Variants in DYNLL1 observed in about 807,000 individuals in gnomAD.
The protein encoded by DYNLL1 is dynein light chain 1, cytoplasmic.
In DYNLL1, 3 loss-of-function variants were observed where a neutral mutation model predicts 10.1. The observed-to-expected ratio is 0.30, with a 90% CI of 0.14 to 0.77. The LOEUF (loss-of-function observed/expected upper bound fraction) is 0.77, where lower values mean the gene tolerates loss of function less well. DYNLL1 is among the 30% of genes least tolerant of loss of function. The pLI is 0.66. For synonymous variants in DYNLL1, 46 were observed against 41.2 expected, an observed-to-expected ratio of 1.12 and a Z score of -0.45; for missense variants, 47 against 111.7, an observed-to-expected ratio of 0.42 and a Z score of 2.61.
At chr12:120,496,767 C>A (rs1164118104) in intron 2 of DYNLL1, 2 of 671,268 alleles carry the variant, frequency 3.0e-6, no homozygotes, top group Admixed American at 6.0e-5. Flanking sequence ...TTTTAATTAC[C>A]CAGCTCCGCG....
chr12:120,492,895 T>C, upstream of DYNLL1, among the ~76,000 whole-genome samples: 1 of 145,462 alleles, frequency 6.9e-6, no homozygotes, highest in East Asian at 2.0e-4. This position sits in a 1 kb window ranked among gnomAD's most constrained non-coding sequence, Gnocchi z 4.1. Context: ...TGTAGAAGAG[T>C]TTTTTTTTTT....
intron 1 of DYNLL1, among the ~76,000 whole-genome samples, chr12:120,485,376 C>G (rs1235594356): frequency 1.3e-5 from 2 of 151,746 alleles, no homozygotes; most frequent in Non-Finnish European, 2.9e-5. Flanking sequence ...CTGCCTCACC[C>G]TCCCAAGTAG....
chr12:120,482,974 G>C (rs926758550), intron 1 of DYNLL1, among the ~76,000 whole-genome samples: 1 of 151,976 alleles, frequency 6.6e-6, no homozygotes, highest in Non-Finnish European at 1.5e-5. Flanking sequence ...CCAGCTACTC[G>C]AGAGGCTGAC....
Position 120,496,900 on chromosome 12 carries a change from C to T in DYNLL1, c.132+347C>T, listed in dbSNP as rs1024377116. The T allele has an allele frequency of 1.4e-5, 6 of 424,982 alleles. No individual in the cohort carries two copies. In the East Asian group the frequency reaches 2.0e-4, roughly 14 times the overall value. 26.3% of individuals were successfully genotyped at this position (424,982 alleles called of 1,614,324 possible). A position where few individuals can be genotyped will look rare whatever the true frequency, so the allele number is the denominator to read the frequency against. On this transcript the variant is annotated intron_variant, in intron 2 of 2. Transcript: ENST00000242577. The stretch of plus-strand genomic sequence containing the variant: ...GAGGGGGGAGCTGCGTGGGTGTTTC[C>T]AGCCGGGCCGGGAGGAGATCTTGCC...
chr12:120,497,434 A>T (rs1868487035), intron 2 of DYNLL1: 1 of 152,598 alleles, frequency 6.6e-6, no homozygotes, highest in Non-Finnish European at 1.5e-5. Flanking sequence ...GATAGATGTG[A>T]AGAGGACGGC....
At chr12:120,476,710 CA>C (rs1422211688) in intron 1 of DYNLL1, among the ~76,000 whole-genome samples, 1 of 152,006 alleles carries the variant, frequency 6.6e-6, no homozygotes, top group Non-Finnish European at 1.5e-5. Context: ...CTCCCAGGTT[CA>C]AGCGATTTTC....
upstream of DYNLL1, among the ~76,000 whole-genome samples, chr12:120,493,466 G>A (rs1211540014): frequency 4.0e-5 from 6 of 151,664 alleles, no homozygotes; most frequent in South Asian, 2.1e-4. Context: ...AACCCAGATC[G>A]CGCCACTGCA....
At chr12:120,492,005 C>A (rs1286536346), upstream of DYNLL1, 1 of 152,172 alleles carries the variant, frequency 6.6e-6, no homozygotes, top group Non-Finnish European at 1.5e-5. This position sits in a 1 kb window ranked among gnomAD's most constrained non-coding sequence, Gnocchi z 4.1. Context: ...TTCCATCTAC[C>A]ATGTGGGACT....
At chr12:120,496,692 A>T in intron 2 of DYNLL1, 139 bp downstream of exon 2, 1 of 1,431,716 alleles carries the variant, frequency 7.0e-7, no homozygotes, top group Non-Finnish European at 9.6e-7. Flanking sequence ...GAAAGGACGC[A>T]GATGCATTTT....
intron 1 of DYNLL1, 76 bp from the exon 2 acceptor site, chr12:120,496,340 C>G: frequency 6.3e-7 from 1 of 1,584,556 alleles, no homozygotes; most frequent in Non-Finnish European, 8.6e-7. Flanking sequence ...CGTGGTGGCG[C>G]CGGCCGGGGT....
chr12:120,494,443 A>C (rs1160289185), upstream of DYNLL1, among the ~76,000 whole-genome samples: 13 of 151,364 alleles, frequency 8.6e-5, no homozygotes, highest in Non-Finnish European at 1.5e-5. Flanking sequence ...TGCCCAGCTA[A>C]TTTTGTATTT....
chr12:120,471,194 C>G (rs1213925638), intron 1 of DYNLL1, among the ~76,000 whole-genome samples: 1 of 149,714 alleles, frequency 6.7e-6, no homozygotes, highest in Non-Finnish European at 1.5e-5. Context: ...CAAGACCCGC[C>G]CCCCTACTAA....
At chr12:120,487,999 A>G (rs1879036249) in intron 1 of DYNLL1, 1 of 152,168 alleles carries the variant, frequency 6.6e-6, no homozygotes, top group Admixed American at 6.5e-5. Flanking sequence ...TATTATGAAG[A>G]ATTTTCCTGG....
At chr12:120,495,462 A>G (rs1205276086), upstream of DYNLL1, 1 of 152,106 alleles carries the variant, frequency 6.6e-6, no homozygotes, top group African/African-American at 2.4e-5. Context: ...TCCCTCCTTG[A>G]AGCCCTCCCT....
At position 120,484,469 on chromosome 12, in the gene DYNLL1, G is replaced by T. The variant is rs937861891; in HGVS notation, c.-6-11947G>T. Among the ~76,000 whole-genome samples the T allele has an allele frequency of 3.9e-5, 6 of 152,108 alleles. No individual in the cohort carries two copies. In the East Asian group the frequency reaches 1.2e-3, roughly 29 times the overall value. ...ATTTTGGTAAAAAGGAAAAAAGCCTGTTATATGCCGGGAAAAAATCAAATT... is the reference window on the plus strand; with the variant it reads ...ATTTTGGTAAAAAGGAAAAAAGCCTTTTATATGCCGGGAAAAAATCAAATT... On this transcript the variant is annotated intron_variant, in intron 1 of 2. Coordinates refer to the DYNLL1 transcript ENST00000392509.
At chr12:120,496,689 C>A (rs1001977785) in intron 2 of DYNLL1, 136 bp downstream of exon 2, 2 of 1,447,578 alleles carry the variant, frequency 1.4e-6, no homozygotes, top group Non-Finnish European at 1.9e-6. Context: ...CCAGAAAGGA[C>A]GCAGATGCAT....
intron 1 of DYNLL1, among the ~76,000 whole-genome samples, chr12:120,479,449 C>CAAAAAAAAAAAAA (rs71076617): frequency 6.6e-5 from 5 of 76,088 alleles, no homozygotes; most frequent in Non-Finnish European, 7.8e-5. Context: ...ACTCCGTCTC[C>CAAAAAAAAAAAAA]AAAAAAAAAA....
intron 1 of DYNLL1, among the ~76,000 whole-genome samples, chr12:120,471,848 T>C (rs1427176488): frequency 6.6e-6 from 1 of 152,128 alleles, no homozygotes; most frequent in Admixed American, 6.6e-5. Context: ...CCTGACCTCG[T>C]GATCCGCCTG....
intron 1 of DYNLL1, among the ~76,000 whole-genome samples, chr12:120,488,911 C>T (rs1879057779): frequency 6.6e-6 from 1 of 151,716 alleles, no homozygotes; most frequent in Admixed American, 6.6e-5. Context: ...GAAACTCTGT[C>T]TCAAAAAAAG....
Sources: gnomAD v4.1 joint callset for allele counts (sites outside exome capture counted in the v4.1 genomes callset) on GRCh38, gnomAD v4.1.1 for gene constraint, Gnocchi (gnomAD v3.1) non-coding constraint, MANE v1.5 for transcripts, NCBI Gene and HGNC (gene_info 2026-07-23, HGNC 2026-07-21) for gene names.